LRFN5: variants seen among roughly 807,000 people sequenced by gnomAD.
LRFN5 encodes the protein leucine-rich repeat and fibronectin type-III domain-containing protein 5.
Under a neutral mutation model 45.6 loss-of-function variants are expected in LRFN5, and 24 were observed. That is an observed-to-expected ratio of 0.53 (90% CI 0.38 to 0.74). LRFN5 has a LOEUF of 0.74. Ranked by LOEUF, LRFN5 falls within the 30% of genes least tolerant of loss-of-function variation. LRFN5 has a pLI of 0.00. For missense variants in LRFN5, 776 were observed against 861.5 expected (o/e 0.90, Z 1.24); for synonymous variants, 340 against 313.8 (o/e 1.08, Z -0.88).
chr14:41,741,630 T>G (rs1276375306), intron 1 of LRFN5, among the ~76,000 whole-genome samples: 1 of 151,636 alleles, frequency 6.6e-6, no homozygotes, highest in Non-Finnish European at 1.5e-5. Flanking sequence ...ATAATTTTGG[T>G]CTGGGCAAGG....
chr14:41,744,048 A>G (rs917149752), intron 1 of LRFN5, among the ~76,000 whole-genome samples: 1 of 152,164 alleles, frequency 6.6e-6, no homozygotes, highest in Non-Finnish European at 1.5e-5. Flanking sequence ...ACTAAAGAAT[A>G]TACACAAAAG....
chr14:41,848,179 A>G (rs1169208974), intron 2 of LRFN5, among the ~76,000 whole-genome samples: 1 of 152,120 alleles, frequency 6.6e-6, no homozygotes, highest in Non-Finnish European at 1.5e-5. Context: ...ATATAGCACC[A>G]TAATACAAAT....
chr14:41,679,510 A>G (rs1467353517), intron 1 of LRFN5, among the ~76,000 whole-genome samples: 1 of 152,114 alleles, frequency 6.6e-6, no homozygotes, highest in East Asian at 1.9e-4. Flanking sequence ...CCTGAGCCAG[A>G]AGGGAACATG....
At chr14:41,647,074 A>G (rs2138610199) in intron 1 of LRFN5, among the ~76,000 whole-genome samples, 1 of 152,298 alleles carries the variant, frequency 6.6e-6, no homozygotes, top group African/African-American at 2.4e-5. Context: ...ATATCAATTT[A>G]TGCACCTAAC....
At chr14:41,865,931 G>A (rs766565828) in intron 2 of LRFN5, among the ~76,000 whole-genome samples, 23 of 152,244 alleles carry the variant, frequency 1.5e-4, no homozygotes, top group Middle Eastern at 6.8e-3. Context: ...AGTTGTAAAA[G>A]TCATTTATAT....
At chr14:41,681,634 A>G (rs1040970058) in intron 1 of LRFN5, among the ~76,000 whole-genome samples, 5 of 152,122 alleles carry the variant, frequency 3.3e-5, no homozygotes, top group African/African-American at 7.2e-5. Flanking sequence ...CCTACCAGAA[A>G]TGCTAAAGGG....
Position 41,610,664 on chromosome 14 carries a change from A to AAAACAAAAAAC in LRFN5, c.-197+2105_-197+2106insCAAAAAACAAA, listed in dbSNP as rs753415169. The stretch of plus-strand genomic sequence containing the variant: ...CCCTCTGAGGTCCCAGGGAAGGTAA[A>AAAACAAAAAAC]AAAAAAAAAAAAAAAAAAAGTGTAT... On this transcript the variant is annotated intron_variant, in intron 1 of 5. Transcript: ENST00000298119. 5.3e-3 allele frequency among the ~76,000 whole-genome samples: 702 copies of AAAACAAAAAAC among 133,164 alleles called. 21 individuals are homozygous for AAAACAAAAAAC. The highest frequency in any genetic ancestry group is 0.011 in the Middle Eastern group (3 of 264). 87.4% of individuals were successfully genotyped at this position (133,164 alleles called of 152,430 possible).
intron 1 of LRFN5, among the ~76,000 whole-genome samples, chr14:41,631,389 G>T (rs1401312239): frequency 6.6e-6 from 1 of 152,008 alleles, no homozygotes; most frequent in Non-Finnish European, 1.5e-5. Flanking sequence ...AGCCTCTCCT[G>T]ATTTATTTAT....
At chr14:41,785,544 G>A (rs1239470340) in intron 2 of LRFN5, among the ~76,000 whole-genome samples, 1 of 152,068 alleles carries the variant, frequency 6.6e-6, no homozygotes, top group Non-Finnish European at 1.5e-5. Context: ...ACTTTTTGGT[G>A]CCAGGGACCG....
intron 2 of LRFN5, among the ~76,000 whole-genome samples, chr14:41,882,157 C>T (rs192884168): frequency 2.1e-4 from 32 of 152,252 alleles, no homozygotes; most frequent in Admixed American, 2.0e-3. Flanking sequence ...GGTCTCACCA[C>T]CCTGCTTTAC....
intron 2 of LRFN5, among the ~76,000 whole-genome samples, chr14:41,878,790 T>A (rs1890274556): frequency 6.6e-6 from 1 of 152,118 alleles, no homozygotes; most frequent in African/African-American, 2.4e-5. Flanking sequence ...ATTTATGAAT[T>A]TTTAAATTAT....
chr14:41,775,698 A>G (rs1215126670), intron 2 of LRFN5, among the ~76,000 whole-genome samples: 1 of 152,232 alleles, frequency 6.6e-6, no homozygotes, highest in Non-Finnish European at 1.5e-5. Context: ...GAAAAAATGC[A>G]TTCATTATTT....
intron 2 of LRFN5, among the ~76,000 whole-genome samples, chr14:41,823,995 A>G (rs554432977): frequency 1.0e-3 from 158 of 152,234 alleles, no homozygotes; most frequent in African/African-American, 3.6e-3. Flanking sequence ...AATTCCTTCA[A>G]TGAATGTTTT....
intron 1 of LRFN5, among the ~76,000 whole-genome samples, chr14:41,624,498 C>A (rs1038014234): frequency 1.3e-5 from 2 of 152,044 alleles, no homozygotes; most frequent in African/African-American, 4.8e-5. Context: ...AAAATAGAAT[C>A]TTTTCCAATT....
intron 1 of LRFN5, among the ~76,000 whole-genome samples, chr14:41,671,604 A>ATT (rs776231551): frequency 1.1e-5 from 1 of 91,076 alleles, no homozygotes; most frequent in Non-Finnish European, 2.0e-5. Flanking sequence ...TGGAGGAGAG[A>ATT]TTTTTTTTTT....
At chr14:41,714,514 G>T (rs188845265) in intron 1 of LRFN5, among the ~76,000 whole-genome samples, 8 of 152,072 alleles carry the variant, frequency 5.3e-5, no homozygotes, top group Admixed American at 4.6e-4. Context: ...AACTGGTAAG[G>T]TTTTATTTAC....
chr14:41,831,965 GA>G (rs891951026), intron 2 of LRFN5, among the ~76,000 whole-genome samples: 6 of 152,210 alleles, frequency 3.9e-5, no homozygotes, highest in Non-Finnish European at 5.9e-5. Flanking sequence ...CTAGCAGAGA[GA>G]AAAAAATTTT....
At chr14:41,872,015 C>A (rs1267458973) in intron 2 of LRFN5, among the ~76,000 whole-genome samples, 1 of 151,996 alleles carries the variant, frequency 6.6e-6, no homozygotes, top group Non-Finnish European at 1.5e-5. Flanking sequence ...ATTTCTTTAG[C>A]TGGTTTGAAA....
chr14:41,839,703 T>C (rs2139051388), intron 2 of LRFN5, among the ~76,000 whole-genome samples: 1 of 152,260 alleles, frequency 6.6e-6, no homozygotes, highest in African/African-American at 2.4e-5. Flanking sequence ...ACCAAAGCTA[T>C]TTCTGTGGAG....
Sources: allele counts gnomAD v4.1 joint callset (sites outside exome capture counted in the v4.1 genomes callset), GRCh38; gene constraint gnomAD v4.1.1; transcripts MANE v1.5; gene names NCBI Gene and HGNC (gene_info 2026-07-23, HGNC 2026-07-21).